CACNB2: variants seen among roughly 807,000 people sequenced by gnomAD.
The protein encoded by CACNB2 is calcium voltage-gated channel auxiliary subunit beta 2.
A neutral mutation model predicts 73.3 loss-of-function variants in CACNB2; 42 were observed. The observed-to-expected ratio is 0.57, with a 90% CI of 0.45 to 0.74. The LOEUF (loss-of-function observed/expected upper bound fraction) is 0.74. Among genes scored for constraint, CACNB2 ranks in the 30% least tolerant of loss-of-function variants. CACNB2 has a pLI of 0.00. For synonymous variants in CACNB2, 348 were observed against 310.3 expected, an observed-to-expected ratio of 1.12 and a Z score of -1.28; for missense variants, 940 against 853.0, an observed-to-expected ratio of 1.10 and a Z score of -1.27.
intron 2 of CACNB2, among the ~76,000 whole-genome samples, chr10:18,217,809 G>C (rs2035574143): frequency 6.6e-6 from 1 of 151,908 alleles, no homozygotes; most frequent in Non-Finnish European, 1.5e-5. Context: ...AGGAGGAGAG[G>C]TGGGAAGGGG....
chr10:18,291,908 T>C (rs975708043), intron 2 of CACNB2, among the ~76,000 whole-genome samples: 1 of 152,236 alleles, frequency 6.6e-6, no homozygotes, highest in African/African-American at 2.4e-5. Flanking sequence ...CATATAAATA[T>C]CTTTGTAAGT....
At chr10:18,332,546 C>A (rs990834451) in intron 2 of CACNB2, among the ~76,000 whole-genome samples, 1 of 152,094 alleles carries the variant, frequency 6.6e-6, no homozygotes, top group Non-Finnish European at 1.5e-5. Flanking sequence ...TATTCCAGGA[C>A]TACAGAATAA....
chr10:18,437,091 T>C (rs1409446791), intron 3 of CACNB2, among the ~76,000 whole-genome samples: 3 of 152,246 alleles, frequency 2.0e-5, no homozygotes, highest in African/African-American at 7.2e-5. Flanking sequence ...TAACATTTAC[T>C]TCTAGAGACA....
chr10:18,421,262 T>G (rs961768460), intron 3 of CACNB2, among the ~76,000 whole-genome samples: 1 of 151,900 alleles, frequency 6.6e-6, no homozygotes, highest in Admixed American at 6.6e-5. Context: ...TGAAAAATGT[T>G]CATTGTAATA....
intron 2 of CACNB2, among the ~76,000 whole-genome samples, chr10:18,171,587 T>TAAAAAA (rs974444420): frequency 2.9e-5 from 3 of 104,428 alleles, no homozygotes; most frequent in Non-Finnish European, 4.0e-5. Context: ...AATTCCAGTT[T>TAAAAAA]AAAAAAAAAA....
chr10:18,532,580 G>A (rs541577623), intron 10 of CACNB2, among the ~76,000 whole-genome samples: 13 of 148,942 alleles, frequency 8.7e-5, no homozygotes, highest in East Asian at 2.0e-4. Flanking sequence ...AGGCTGAGGC[G>A]AGAGAATCAC....
chr10:18,175,660 C>G (rs933783084), intron 2 of CACNB2, among the ~76,000 whole-genome samples: 2 of 152,206 alleles, frequency 1.3e-5, no homozygotes, highest in Admixed American at 6.5e-5. Flanking sequence ...AGCAATGGTG[C>G]AATCTCGGCT....
chr10:18,503,413 A>G (rs1342774616), intron 5 of CACNB2, among the ~76,000 whole-genome samples: 2 of 152,194 alleles, frequency 1.3e-5, no homozygotes, highest in African/African-American at 2.4e-5. Context: ...CCTGGTCAAT[A>G]TGGTGAAACC....
chr10:18,230,420 A>T (rs1476324518), intron 2 of CACNB2, among the ~76,000 whole-genome samples: 3 of 152,204 alleles, frequency 2.0e-5, no homozygotes, highest in African/African-American at 4.8e-5. Flanking sequence ...ATATAAATTC[A>T]TATGGGGAAA....
chr10:18,293,748 A>T (rs1188044426), intron 2 of CACNB2, among the ~76,000 whole-genome samples: 3 of 152,238 alleles, frequency 2.0e-5, no homozygotes, highest in African/African-American at 7.2e-5. Context: ...AAGATGAGTT[A>T]TGAGTTTAAT....
chr10:18,371,249 A>C (rs1420862470), intron 2 of CACNB2, among the ~76,000 whole-genome samples: 2 of 152,118 alleles, frequency 1.3e-5, no homozygotes, highest in African/African-American at 4.8e-5. Flanking sequence ...GTACATGTAC[A>C]CAACGTGCAG....
intron 2 of CACNB2, among the ~76,000 whole-genome samples, chr10:18,314,757 C>T (rs1039540323): frequency 2.6e-5 from 4 of 152,146 alleles, no homozygotes; most frequent in African/African-American, 9.7e-5. Context: ...ATAAAAACGT[C>T]TCCAAGGTCC....
chr10:18,427,916 T>C (rs569234159), intron 3 of CACNB2, among the ~76,000 whole-genome samples: 21 of 152,268 alleles, frequency 1.4e-4, no homozygotes, highest in African/African-American at 4.6e-4. Context: ...TGGTTCTAAT[T>C]TCTTTTTCAT....
intron 3 of CACNB2, among the ~76,000 whole-genome samples, chr10:18,442,376 CT>C (rs2046453361): frequency 6.6e-6 from 1 of 151,974 alleles, no homozygotes; most frequent in African/African-American, 2.4e-5. Context: ...TCTTAAACCC[CT>C]GACCTCAGGT....
At position 18,152,209 on chromosome 10, in the gene CACNB2, C is replaced by G. The variant is rs1055925862; in HGVS notation, c.213+1234C>G. 3.9e-4 allele frequency among the ~76,000 whole-genome samples: 59 copies of G among 152,152 alleles called. 2 individuals carry two copies. The highest frequency in any genetic ancestry group is 1.4e-3 in the African/African-American group (59 of 41,504). On this transcript the variant is annotated intron_variant, in intron 2 of 13. Coordinates refer to ENST00000324631, the MANE Select transcript of CACNB2 (RefSeq NM_201596.3). ...GTCCTTAGACGAAGGATGATCTGTC[C>G]CCAGCCATCAGTCCCCGCTTGCAAC...
intron 13 of CACNB2, 60 bp downstream of exon 13, chr10:18,538,425 T>C: frequency 6.7e-7 from 1 of 1,484,676 alleles, no homozygotes; most frequent in Non-Finnish European, 9.4e-7. Context: ...AGGTTGCCTA[T>C]GGTGACACCT....
At chr10:18,502,713 A>AAAAAAAAAAAACC (rs1564625555) in intron 5 of CACNB2, among the ~76,000 whole-genome samples, 11 of 117,206 alleles carry the variant, frequency 9.4e-5, no homozygotes, top group South Asian at 2.9e-4. Context: ...AAAAAAAAAA[A>AAAAAAAAAAAACC]AAAAAAAAAA....
At position 18,514,106 on chromosome 10, in the gene CACNB2, C is replaced by CT. The variant is rs5783607; in HGVS notation, c.671-128dup. ...GTGCCTTACCTTTAAATTTAATTTT[C>CT]TTGCGTACTGTGTTGAGCACTCATG... On this transcript the variant is annotated intron_variant, in intron 6 of 13. Coordinates refer to ENST00000324631, the MANE Select transcript of CACNB2 (RefSeq NM_201596.3). 0.65 allele frequency: 565,730 copies of CT among 876,378 alleles called. 186,859 individuals are homozygous for CT. The highest frequency in any genetic ancestry group is 0.97 in the East Asian group (38,348 of 39,406). The allele number at this position is 876,378 out of a possible 1,614,324, so 54.3% of individuals were successfully genotyped here. A position where few individuals can be genotyped will look rare whatever the true frequency, so the allele number is the denominator to read the frequency against.
chr10:18,286,342 C>T (rs1388493057), intron 2 of CACNB2, among the ~76,000 whole-genome samples: 1 of 151,786 alleles, frequency 6.6e-6, no homozygotes, highest in Non-Finnish European at 1.5e-5. Context: ...CGGTGAAACC[C>T]CGTCTCTACT....
Sources: gnomAD v4.1 joint callset for allele counts (sites outside exome capture counted in the v4.1 genomes callset) on GRCh38, gnomAD v4.1.1 for gene constraint, MANE v1.5 for transcripts, NCBI Gene and HGNC (gene_info 2026-07-23, HGNC 2026-07-21) for gene names.